Variants in U2SURP observed in about 807,000 individuals in gnomAD.
The protein encoded by U2SURP is U2 snRNP associated SURP domain containing.
Under a neutral mutation model 144.9 loss-of-function variants are expected in U2SURP, and 9 were observed. That is an observed-to-expected ratio of 0.06 (90% CI 0.04 to 0.11). The LOEUF is 0.11. Ranked by LOEUF, U2SURP falls within the 10% of genes least tolerant of loss-of-function variation. U2SURP has a pLI of 1.00. For missense variants in U2SURP, 724 were observed against 1,226.7 expected (o/e 0.59, Z 6.12); for synonymous variants, 408 against 396.8 (o/e 1.03, Z -0.33).
At chr3:143,013,561 G>A (rs768139557) in intron 3 of U2SURP, among the ~76,000 whole-genome samples, 1 of 151,924 alleles carries the variant, frequency 6.6e-6, no homozygotes, top group Non-Finnish European at 1.5e-5. Context: ...ATTTTAGGTT[G>A]TATTTAATAA....
Position 143,054,978 on chromosome 3 carries a change from G to C in U2SURP, c.2810G>C (p.Arg937Pro). The change falls in exon 27 of 28, where the codon CGC becomes CCC. Residue 937 changes from arginine (R) to proline (P), a missense_variant. Coordinates refer to ENST00000473835, the MANE Select transcript of U2SURP (RefSeq NM_001080415.2). ...CACAGTACATCCCCCAGCCCATCTCGCAGTAGCAGTGGTAGACGAGTGAAA... is the reference window on the plus strand; with the variant it reads ...CACAGTACATCCCCCAGCCCATCTCCCAGTAGCAGTGGTAGACGAGTGAAA... ...RRHSTSPSPS[R>P]SSSGRRVKSP... 1 of 1,609,068 alleles carries C rather than the reference G, an allele frequency of 6.2e-7. No homozygotes were observed. Among genetic ancestry groups the C allele is most frequent in the Non-Finnish European group, 8.5e-7 (1 of 1,177,992 alleles).
chr3:143,059,581 G>A lies in U2SURP; in HGVS notation c.*3131G>A, dbSNP rs1370584761. 1.3e-5 allele frequency: 2 copies of A among 151,850 alleles called. No individual in the cohort carries two copies. Among genetic ancestry groups the A allele is most frequent in the East Asian group, 3.8e-4 (2 of 5,196 alleles). 9.4% of individuals were successfully genotyped at this position (151,850 alleles called of 1,614,324 possible). A position where few individuals can be genotyped will look rare whatever the true frequency, so the allele number is the denominator to read the frequency against. On this transcript the variant is annotated 3_prime_UTR_variant, in exon 28 of 28. Coordinates refer to ENST00000473835, the MANE Select transcript of U2SURP (RefSeq NM_001080415.2). ...TCATCATTATTGTTATTCAAAATAA[G>A]GGTAAATAAATCTCTGTATTGCCAA...
rs912266429 is a variant in U2SURP, at chr3:143,038,946, A to G, written c.2370A>G (p.Glu790=). 1.3e-6 allele frequency: 2 copies of G among 1,538,710 alleles called. No individual in the cohort carries two copies. Among genetic ancestry groups the G allele is most frequent in the African/African-American group, 1.4e-5 (1 of 71,816 alleles). The part of the protein sequence containing the change: ...ELFDQHEESE[E]EENQNQEEES... ...TTGACCAGCATGAAGAATCAGAAGA[A>G]GAAGAAAATCAAAAGTAAGAATCTA... is the stretch of plus-strand genomic sequence containing the variant. The change falls in exon 23 of 28, where the codon GAA becomes GAG. Residue 790 remains glutamate (E), a synonymous_variant. Coordinates refer to ENST00000473835, the MANE Select transcript of U2SURP (RefSeq NM_001080415.2).
In U2SURP at chr3:143,056,511, C is replaced by A; in HGVS notation, c.*61C>A. ...GCGATTTGTTTTGTGCCTGAACGGTCTGTTTTTTAAAAAAACAAAAAATCA... is the reference window on the plus strand; with the variant it reads ...GCGATTTGTTTTGTGCCTGAACGGTATGTTTTTTAAAAAAACAAAAAATCA... On this transcript the variant is annotated 3_prime_UTR_variant, in exon 28 of 28. Coordinates refer to ENST00000473835, the MANE Select transcript of U2SURP (RefSeq NM_001080415.2). The A allele has an allele frequency of 1.3e-6, 2 of 1,567,016 alleles. No individual in the cohort carries two copies. Among genetic ancestry groups the A allele is most frequent in the South Asian group, 2.4e-5 (2 of 84,060 alleles).
chr3:143,017,045 G>A, intron 6 of U2SURP, 70 bp downstream of exon 6: 2 of 1,437,418 alleles, frequency 1.4e-6, no homozygotes, highest in Non-Finnish European at 1.8e-6. Flanking sequence ...TCCACTGTAA[G>A]CAAGACTTTG....
intron 24 of U2SURP, 85 bp downstream of exon 24, chr3:143,043,361 G>A (rs768170111): frequency 6.0e-5 from 81 of 1,360,390 alleles, no homozygotes; most frequent in South Asian, 3.3e-4. Flanking sequence ...GCATTGTACC[G>A]TAGTACATAC....
At chr3:143,045,717 A>AT (rs1490416611) in intron 24 of U2SURP, among the ~76,000 whole-genome samples, 9 of 152,268 alleles carry the variant, frequency 5.9e-5, no homozygotes, top group African/African-American at 2.2e-4. Flanking sequence ...GTATTCAGTG[A>AT]TTATTTCTCC....
At chr3:143,052,351 G>C (rs1395838914) in intron 25 of U2SURP, among the ~76,000 whole-genome samples, 1 of 152,068 alleles carries the variant, frequency 6.6e-6, no homozygotes, top group Non-Finnish European at 1.5e-5. Context: ...CTGAGATCGT[G>C]CTATTACACT....
At chr3:143,040,353 AG>A (rs1310207029) in intron 23 of U2SURP, among the ~76,000 whole-genome samples, 1 of 151,860 alleles carries the variant, frequency 6.6e-6, no homozygotes, top group East Asian at 1.9e-4. Flanking sequence ...TAGGAATTTC[AG>A]GTAAATCATG....
intron 16 of U2SURP, 38 bp downstream of exon 16, chr3:143,028,684 G>T: frequency 6.5e-7 from 1 of 1,534,728 alleles, no homozygotes; most frequent in Non-Finnish European, 8.8e-7. Flanking sequence ...ATTCAGAAAA[G>T]TAACTGTAAT....
intron 16 of U2SURP, among the ~76,000 whole-genome samples, chr3:143,031,922 G>A (rs7616872): frequency 0.013 from 2,015 of 152,258 alleles, 46 homozygotes; most frequent in African/African-American, 0.046. Context: ...TCAGCTCATA[G>A]GCTAAATATG....
chr3:143,041,729 C>G (rs891923170), intron 23 of U2SURP, among the ~76,000 whole-genome samples: 3 of 151,884 alleles, frequency 2.0e-5, no homozygotes, highest in Non-Finnish European at 4.4e-5. Context: ...AATAATTCTA[C>G]ATGTATATTA....
intron 26 of U2SURP, among the ~76,000 whole-genome samples, chr3:143,054,427 A>C (rs1479548217): frequency 6.6e-6 from 1 of 152,196 alleles, no homozygotes; most frequent in East Asian, 1.9e-4. Context: ...CAATTGGTTA[A>C]AAGTCTGTCA....
chr3:143,029,274 G>C (rs1375221848), intron 16 of U2SURP, among the ~76,000 whole-genome samples: 1 of 152,186 alleles, frequency 6.6e-6, no homozygotes, highest in African/African-American at 2.4e-5. Flanking sequence ...ATTGCGCTTT[G>C]ACTTACTGTG....
At chr3:143,033,102 TAACA>T (rs750344402) in intron 17 of U2SURP, among the ~76,000 whole-genome samples, 156 bp downstream of exon 17, 4 of 152,164 alleles carry the variant, frequency 2.6e-5, no homozygotes, top group Non-Finnish European at 4.4e-5. Flanking sequence ...ACATACAAGT[TAACA>T]AACAAGTTGA....
Position 143,016,230 on chromosome 3 carries a change from A to G in U2SURP, c.322-27A>G, listed in dbSNP as rs376252237. The G allele has an allele frequency of 2.9e-5, 46 of 1,591,580 alleles. No homozygotes were observed. In the African/African-American group the frequency reaches 6.2e-4, roughly 21 times the overall value. ...TACATTAACAATTTTTGTATTGTGT[A>G]ATATTAATATTTTCATGTGTATTTA... On this transcript the variant is annotated intron_variant, in intron 4 of 27. Coordinates refer to ENST00000473835, the MANE Select transcript of U2SURP (RefSeq NM_001080415.2).
Position 143,058,757 on chromosome 3 carries a change from A to G in U2SURP, c.*2307A>G, listed in dbSNP as rs1482126577. 1 of 151,864 alleles carries G rather than the reference A, an allele frequency of 6.6e-6. No homozygotes were observed. Among genetic ancestry groups the G allele is most frequent in the Non-Finnish European group, 1.5e-5 (1 of 67,788 alleles). The allele number at this position is 151,864 out of a possible 1,614,324, so 9.4% of individuals were successfully genotyped here. The stretch of plus-strand genomic sequence containing the variant: ...ATATTTTTATAATAGCTTATTATTC[A>G]TGTTTCTTGTCTGAAGGACACTCAA... On this transcript the variant is annotated 3_prime_UTR_variant, in exon 28 of 28. Coordinates refer to ENST00000473835, the MANE Select transcript of U2SURP (RefSeq NM_001080415.2).
rs543669947 is a variant in U2SURP at position 143,031,422 on chromosome 3, C to T, written c.1611-1362C>T. 2.6e-5 allele frequency among the ~76,000 whole-genome samples: 4 copies of T among 151,170 alleles called. No individual in the cohort carries two copies. The East Asian group carries it at 7.7e-4, about 29-fold the overall frequency. On this transcript the variant is annotated intron_variant, in intron 16 of 27. Coordinates refer to ENST00000473835, the MANE Select transcript of U2SURP (RefSeq NM_001080415.2). The stretch of plus-strand genomic sequence containing the variant: ...AGCCACCCCAACCTTCAGCTACCAC[C>T]GCCCTAACCTTCAGCTACCACCACC...
chr3:143,050,960 G>T lies in U2SURP; in HGVS notation c.2566G>T (p.Asp856Tyr). The change falls in exon 25 of 28, where the codon GAT becomes TAT. Residue 856 changes from aspartate (D) to tyrosine (Y), a missense_variant. Transcript: ENST00000473835. ...EIELKVMKFQDELESGKRPKK... is the reference protein window; with the variant it reads ...EIELKVMKFQYELESGKRPKK... ...ACAGCTCAAAGTTATGAAGTTTCAG[G>T]ATGAATTGGAATCTGGGAAAAGACC... The T allele has an allele frequency of 6.2e-7, 1 of 1,611,938 alleles. No homozygotes were observed. Among genetic ancestry groups the T allele is most frequent in the South Asian group, 1.1e-5 (1 of 90,694 alleles).
Sources: allele counts gnomAD v4.1 joint callset (sites outside exome capture counted in the v4.1 genomes callset), GRCh38; gene constraint gnomAD v4.1.1; transcripts MANE v1.5; gene names NCBI Gene and HGNC (gene_info 2026-07-23, HGNC 2026-07-21).